The following MAPK10 variants were observed in gnomAD, a reference collection of about 807,000 sequenced individuals.
MAPK10 encodes the protein mitogen-activated protein kinase 10.
Under a neutral mutation model 59.3 loss-of-function variants are expected in MAPK10, and 25 were observed. The ratio of observed to expected loss-of-function variants is 0.42; its 90% confidence interval spans 0.31 to 0.59. The LOEUF (loss-of-function observed/expected upper bound fraction) is 0.59. MAPK10 is among the 20% of genes least tolerant of loss of function. The pLI is 0.15. For synonymous variants in MAPK10, 190 were observed against 200.5 expected (o/e 0.95, Z 0.44); for missense variants, 351 against 568.9 (o/e 0.62, Z 3.90).
intron 4 of MAPK10, among the ~76,000 whole-genome samples, chr4:86,133,441 G>A (rs1195064162): frequency 6.6e-6 from 1 of 152,028 alleles, no homozygotes; most frequent in Admixed American, 6.6e-5. Context: ...TTTTCTTAAA[G>A]AGGGAGCTCC....
chr4:86,246,886 TATC>T (rs1244195329), intron 2 of MAPK10, among the ~76,000 whole-genome samples: 1 of 152,156 alleles, frequency 6.6e-6, no homozygotes, highest in Non-Finnish European at 1.5e-5. Context: ...TAGCCAATCA[TATC>T]ATCCCAACCA....
intron 11 of MAPK10, among the ~76,000 whole-genome samples, chr4:86,043,501 G>T (rs1449923767): frequency 6.6e-6 from 1 of 152,202 alleles, no homozygotes; most frequent in Non-Finnish European, 1.5e-5. Flanking sequence ...ATGTTTTATA[G>T]AGACTTGGCT....
chr4:86,496,535 G>A (rs1164500500), intron 1 of MAPK10, among the ~76,000 whole-genome samples: 9 of 152,058 alleles, frequency 5.9e-5, no homozygotes, highest in Non-Finnish European at 1.0e-4. Context: ...GATACAACAG[G>A]TACCCCTGAA....
chr4:86,122,018 G>A (rs1460725193), intron 4 of MAPK10, among the ~76,000 whole-genome samples: 1 of 151,970 alleles, frequency 6.6e-6, no homozygotes, highest in East Asian at 1.9e-4. Context: ...AAGAACTCAG[G>A]GCCTTGGGAA....
intron 2 of MAPK10, among the ~76,000 whole-genome samples, chr4:86,243,935 G>A (rs1191906271): frequency 3.3e-5 from 5 of 152,198 alleles, no homozygotes; most frequent in African/African-American, 1.2e-4. Flanking sequence ...TAAAATGTCA[G>A]ATTGTGACTC....
intron 2 of MAPK10, among the ~76,000 whole-genome samples, chr4:86,341,294 A>G (rs572137729): frequency 2.0e-5 from 3 of 152,310 alleles, no homozygotes; most frequent in African/African-American, 7.2e-5. Flanking sequence ...TAGCTTCTGC[A>G]CTCTAGACCA....
intron 2 of MAPK10, among the ~76,000 whole-genome samples, chr4:86,249,457 A>G (rs6531907): frequency 0.33 from 49,931 of 152,080 alleles, 11,149 homozygotes; most frequent in African/African-American, 0.64. Context: ...TTGGAAAGAG[A>G]CATTTTCTCA....
chr4:86,463,055 A>G (rs934702030), intron 1 of MAPK10, among the ~76,000 whole-genome samples: 6 of 152,244 alleles, frequency 3.9e-5, no homozygotes, highest in Non-Finnish European at 8.8e-5. Flanking sequence ...GAACAATTAG[A>G]AAAAGGACAC....
At chr4:86,126,155 A>C (rs2060039345) in intron 4 of MAPK10, among the ~76,000 whole-genome samples, 1 of 151,696 alleles carries the variant, frequency 6.6e-6, no homozygotes, top group African/African-American at 2.4e-5. Context: ...ACTATGCATG[A>C]CTCCTAACAT....
chr4:86,163,610 A>G (rs1367263937), intron 3 of MAPK10, among the ~76,000 whole-genome samples: 1 of 152,164 alleles, frequency 6.6e-6, no homozygotes, highest in African/African-American at 2.4e-5. Flanking sequence ...AAGTTTTAAC[A>G]TGGATTAGGA....
At chr4:86,024,855 A>C (rs1319625239) in intron 13 of MAPK10, 1 of 152,218 alleles carries the variant, frequency 6.6e-6, no homozygotes, top group African/African-American at 2.4e-5. Context: ...GTTGAATGCA[A>C]ATATAATTAG....
intron 2 of MAPK10, among the ~76,000 whole-genome samples, chr4:86,353,341 A>G (rs1007750288): frequency 8.5e-5 from 13 of 152,316 alleles, no homozygotes; most frequent in Middle Eastern, 6.8e-3. Flanking sequence ...TTCTACCTAC[A>G]TCACAGATTC....
intron 1 of MAPK10, among the ~76,000 whole-genome samples, chr4:86,549,037 A>G (rs920918117): frequency 2.0e-5 from 3 of 152,206 alleles, no homozygotes; most frequent in African/African-American, 7.2e-5. Flanking sequence ...ATACTAAAAT[A>G]CCAATATTAA....
intron 2 of MAPK10, among the ~76,000 whole-genome samples, chr4:86,352,611 G>A (rs1255509397): frequency 6.6e-6 from 1 of 152,182 alleles, no homozygotes; most frequent in Non-Finnish European, 1.5e-5. Context: ...GGTGGGGAAG[G>A]AAAAGTATGT....
At chr4:86,226,947 G>A (rs535494084) in intron 2 of MAPK10, among the ~76,000 whole-genome samples, 6 of 152,200 alleles carry the variant, frequency 3.9e-5, no homozygotes, top group African/African-American at 1.4e-4. Flanking sequence ...AATTTATCTA[G>A]CTTCACTTGG....
intron 1 of MAPK10, among the ~76,000 whole-genome samples, chr4:86,587,923 T>C (rs554810871): frequency 1.1e-4 from 17 of 152,274 alleles, no homozygotes; most frequent in African/African-American, 4.1e-4. Context: ...AGGCTGAGGC[T>C]GTAGATTCAC....
At chr4:86,288,491 A>G (rs995683826) in intron 2 of MAPK10, among the ~76,000 whole-genome samples, 1 of 152,066 alleles carries the variant, frequency 6.6e-6, no homozygotes, top group Non-Finnish European at 1.5e-5. Context: ...TCTAAACCAG[A>G]GATGGGCTGT....
intron 1 of MAPK10, among the ~76,000 whole-genome samples, chr4:86,563,248 G>C (rs899505321): frequency 1.3e-5 from 2 of 152,062 alleles, no homozygotes; most frequent in Non-Finnish European, 2.9e-5. Flanking sequence ...TGGAAGAAAG[G>C]AATTTTATTC....
chr4:86,338,450 G>A (rs1341781738), intron 2 of MAPK10, among the ~76,000 whole-genome samples: 1 of 152,140 alleles, frequency 6.6e-6, no homozygotes, highest in Admixed American at 6.5e-5. Context: ...GATCACCCTG[G>A]TATTTGGGCT....
Sources: gnomAD v4.1 joint callset for allele counts (sites outside exome capture counted in the v4.1 genomes callset) on GRCh38, gnomAD v4.1.1 for gene constraint, MANE v1.5 for transcripts, NCBI Gene and HGNC (gene_info 2026-07-23, HGNC 2026-07-21) for gene names.